The following SRPK1 variants were observed in gnomAD, a reference collection of about 807,000 sequenced individuals.
SRPK1 encodes SFRS protein kinase 1.
In SRPK1, 52 loss-of-function variants were observed where a neutral mutation model predicts 89.5. The ratio of observed to expected loss-of-function variants is 0.58; its 90% CI spans 0.46 to 0.73. The LOEUF (loss-of-function observed/expected upper bound fraction) is 0.73, where lower values mean the gene tolerates loss of function less well. Ranked by LOEUF, SRPK1 falls within the 30% of genes least tolerant of loss-of-function variation. The probability of loss-of-function intolerance (pLI) is 0.00; values close to 1 mark genes in which losing one functional copy is unlikely to be tolerated. For missense variants in SRPK1, 603 were observed against 780.6 expected (o/e 0.77, Z 2.71); for synonymous variants, 255 against 270.2 (o/e 0.94, Z 0.55).
intron 3 of SRPK1, among the ~76,000 whole-genome samples, chr6:35,889,404 T>G (rs1472701838): frequency 6.6e-6 from 1 of 151,982 alleles, no homozygotes; most frequent in Non-Finnish European, 1.5e-5. Flanking sequence ...TCCCAGCACT[T>G]TGGGAGGCCA....
At chr6:35,921,020 G>T in intron 1 of SRPK1, 24 bp downstream of exon 1, 1 of 1,541,978 alleles carries the variant, frequency 6.5e-7, no homozygotes, top group Non-Finnish European at 8.7e-7. Flanking sequence ...TGCCCCTCGT[G>T]GCGGAGGCCG....
Position 35,906,795 on chromosome 6 carries a change from A to G in SRPK1, c.74+13673T>C, listed in dbSNP as rs563732010. ...CTAAAAACCACTGAATTGCACAGTT[A>G]AAATGAGTTTTAATTATACCTCCAT... On this transcript the variant is annotated intron_variant, in intron 2 of 15. Transcript: ENST00000373825. 3.1e-4 allele frequency among the ~76,000 whole-genome samples: 47 copies of G among 152,330 alleles called. 2 individuals carry two copies. In the South Asian group the frequency reaches 9.5e-3, roughly 31 times the overall value.
At position 35,894,318 on chromosome 6, in the gene SRPK1, A is replaced by G. The variant is rs182687356; in HGVS notation, c.75-3305T>C. Reference sequence around the variant, plus strand: ...AGTCTAAAAGATGAGTAAAGTCAGAAAGAAGTTCTAGAAAATAAACTTGAC... The same window carrying G: ...AGTCTAAAAGATGAGTAAAGTCAGAGAGAAGTTCTAGAAAATAAACTTGAC... On this transcript the variant is annotated intron_variant, in intron 2 of 15. Transcript: ENST00000373825. Among the ~76,000 whole-genome samples, 327 of 152,342 alleles carry G rather than the reference A, an allele frequency of 2.1e-3. 1 individual carries two copies. The highest frequency in any genetic ancestry group is 7.4e-3 in the African/African-American group (309 of 41,582).
In SRPK1 at chr6:35,864,021, G is replaced by A. The variant is rs559924393; in HGVS notation, c.1512+4989C>T. On this transcript the variant is annotated intron_variant, in intron 12 of 15. Coordinates refer to ENST00000373825, the MANE Select transcript of SRPK1 (RefSeq NM_003137.5). Reference sequence around the variant, plus strand: ...AAATGAAACTCAATCCCTATCTCTCGTAATACATAAAAATCAAATCAAAAT... The same window carrying A: ...AAATGAAACTCAATCCCTATCTCTCATAATACATAAAAATCAAATCAAAAT... Among the ~76,000 whole-genome samples, 22 of 152,146 alleles carry A rather than the reference G, an allele frequency of 1.4e-4. No individual in the cohort carries two copies. In the South Asian group the frequency reaches 2.1e-3, roughly 14 times the overall value.
At chr6:35,915,482 A>G (rs1337266736) in intron 2 of SRPK1, among the ~76,000 whole-genome samples, 1 of 152,000 alleles carries the variant, frequency 6.6e-6, no homozygotes, top group African/African-American at 2.4e-5. Context: ...TTAAATGTAT[A>G]TACCATTCGA....
chr6:35,853,525 T>G (rs928683123), intron 13 of SRPK1, among the ~76,000 whole-genome samples: 2 of 151,164 alleles, frequency 1.3e-5, no homozygotes, highest in Non-Finnish European at 1.5e-5. Context: ...GACTGAATAT[T>G]CTCTAGTTTT....
chr6:35,870,015 A>T, intron 10 of SRPK1, 114 bp from the exon 11 acceptor site: 1 of 1,199,400 alleles, frequency 8.3e-7, no homozygotes, highest in South Asian at 1.6e-5. Flanking sequence ...TGACATAAAA[A>T]CATGACTAAA....
Position 35,869,123 on chromosome 6 carries a change from G to A in SRPK1, c.1412-13C>T. 1 of 1,600,628 alleles carries A rather than the reference G, an allele frequency of 6.2e-7. No individual in the cohort carries two copies. Among genetic ancestry groups the A allele is most frequent in the Non-Finnish European group, 8.6e-7 (1 of 1,169,242 alleles). ...GCCGTGGATTTTCCTACAGACAACA[G>A]GCATCATCAATAAGACTGTTCAATG... On this transcript the variant is annotated splice_polypyrimidine_tract_variant and intron_variant, in intron 11 of 15. Coordinates refer to ENST00000373825, the MANE Select transcript of SRPK1 (RefSeq NM_003137.5).
At chr6:35,844,993 G>A (rs1003120044) in intron 13 of SRPK1, among the ~76,000 whole-genome samples, 1 of 152,162 alleles carries the variant, frequency 6.6e-6, no homozygotes, top group African/African-American at 2.4e-5. Flanking sequence ...GAGCTATTAA[G>A]CCGTGAAGAT....
intron 2 of SRPK1, among the ~76,000 whole-genome samples, chr6:35,904,416 C>T (rs902088119): frequency 3.9e-5 from 6 of 152,188 alleles, no homozygotes; most frequent in Non-Finnish European, 7.3e-5. Flanking sequence ...TTAATGCCTA[C>T]CTTTCACCAT....
chr6:35,903,138 A>G (rs1770781249), intron 2 of SRPK1, among the ~76,000 whole-genome samples: 1 of 152,024 alleles, frequency 6.6e-6, no homozygotes, highest in Non-Finnish European at 1.5e-5. Context: ...AAGCAAAGTG[A>G]ATGAACGGAA....
At chr6:35,858,916 A>T (rs143461197) in intron 12 of SRPK1, among the ~76,000 whole-genome samples, 1 of 152,356 alleles carries the variant, frequency 6.6e-6, no homozygotes, top group East Asian at 1.9e-4. Context: ...AGCGCTTTAG[A>T]AAGATAATAG....
chr6:35,902,034 C>T (rs1770753863), intron 2 of SRPK1, among the ~76,000 whole-genome samples: 1 of 151,998 alleles, frequency 6.6e-6, no homozygotes, highest in Non-Finnish European at 1.5e-5. Context: ...TATATACACA[C>T]ACATATATAT....
At chr6:35,846,892 A>G (rs1250945829) in intron 13 of SRPK1, among the ~76,000 whole-genome samples, 1 of 152,254 alleles carries the variant, frequency 6.6e-6, no homozygotes, top group Non-Finnish European at 1.5e-5. Flanking sequence ...TGCCAAAAAA[A>G]GACAAAAACC....
intron 13 of SRPK1, among the ~76,000 whole-genome samples, chr6:35,856,004 G>A (rs1455794973): frequency 2.0e-5 from 3 of 152,162 alleles, no homozygotes; most frequent in Admixed American, 6.5e-5. Context: ...TGGGATTACA[G>A]GCACGAGCCA....
At chr6:35,862,102 C>T (rs558301613) in intron 12 of SRPK1, among the ~76,000 whole-genome samples, 1 of 151,698 alleles carries the variant, frequency 6.6e-6, no homozygotes, top group African/African-American at 2.4e-5. Flanking sequence ...AACAACAACA[C>T]AGACTGCTTG....
At chr6:35,914,633 T>A (rs1336030872) in intron 2 of SRPK1, among the ~76,000 whole-genome samples, 1 of 152,200 alleles carries the variant, frequency 6.6e-6, no homozygotes, top group Non-Finnish European at 1.5e-5. Flanking sequence ...ATTTACTTAT[T>A]TATGTCTATT....
intron 2 of SRPK1, among the ~76,000 whole-genome samples, chr6:35,898,378 G>T (rs1418014484): frequency 1.3e-5 from 2 of 152,182 alleles, no homozygotes; most frequent in Admixed American, 6.5e-5. Context: ...TAAGGTTGGG[G>T]AGAAGATTGG....
At chr6:35,846,032 G>A (rs142424683) in intron 13 of SRPK1, among the ~76,000 whole-genome samples, 59 of 152,316 alleles carry the variant, frequency 3.9e-4, no homozygotes, top group African/African-American at 1.2e-3. Flanking sequence ...GAACAATAAA[G>A]TCTGTTTTAA....
Sources: allele counts gnomAD v4.1 joint callset (sites outside exome capture counted in the v4.1 genomes callset), GRCh38; gene constraint gnomAD v4.1.1; transcripts MANE v1.5; gene names NCBI Gene and HGNC (gene_info 2026-07-23, HGNC 2026-07-21).